The following PLA2G4C variants were observed in gnomAD, a reference collection of about 807,000 sequenced individuals.
PLA2G4C encodes the protein cytosolic phospholipase A2 gamma.
Under a neutral mutation model 73.8 loss-of-function variants are expected in PLA2G4C, and 64 were observed. The ratio of observed to expected loss-of-function variants is 0.87; its 90% CI spans 0.71 to 1.07. The LOEUF is 1.07. Among genes scored for constraint, PLA2G4C ranks in the 50% least tolerant of loss-of-function variants. The pLI is 0.00. For missense variants in PLA2G4C, 622 were observed against 665.4 expected (o/e 0.93, Z 0.72); for synonymous variants, 254 against 252.1 (o/e 1.01, Z -0.07).
chr19:48,096,044 T>C (rs1269251415), intron 6 of PLA2G4C, among the ~76,000 whole-genome samples: 1 of 151,974 alleles, frequency 6.6e-6, no homozygotes, highest in Non-Finnish European at 1.5e-5. Flanking sequence ...TTCCATCAGG[T>C]AGCCAGGGAA....
intron 13 of PLA2G4C, among the ~76,000 whole-genome samples, chr19:48,066,019 G>A (rs1864106): frequency 3.3e-5 from 5 of 151,456 alleles, no homozygotes; most frequent in East Asian, 3.9e-4. Context: ...CCCAGGAGGC[G>A]GAGGTTGCGG....
At chr19:48,097,783 T>C (rs2031677456) in intron 6 of PLA2G4C, 1 of 192,362 alleles carries the variant, frequency 5.2e-6, no homozygotes, top group Admixed American at 6.1e-5. Flanking sequence ...TTTTGTTTTG[T>C]TTTTTAATGT....
chr19:48,107,342 C>CT (rs1459811995), intron 1 of PLA2G4C, among the ~76,000 whole-genome samples: 3 of 148,042 alleles, frequency 2.0e-5, no homozygotes, highest in Non-Finnish European at 3.0e-5. Context: ...AAGACAATTT[C>CT]TTTTTTTTAA....
chr19:48,061,876 CT>C, intron 14 of PLA2G4C, 121 bp downstream of exon 14: 1 of 988,992 alleles, frequency 1.0e-6, no homozygotes, highest in South Asian at 1.5e-5. Flanking sequence ...GCTCTCTGGA[CT>C]TCCCAGCCAG....
At chr19:48,081,799 G>A (rs2030588446) in intron 10 of PLA2G4C, among the ~76,000 whole-genome samples, 1 of 134,856 alleles carries the variant, frequency 7.4e-6, no homozygotes, top group South Asian at 2.4e-4. Context: ...TACACATTGG[G>A]GCCAGGTGTG....
Position 48,097,251 on chromosome 19 carries a change from C to CTTCTTTTTTTT in PLA2G4C, c.568+887_568+888insAAAAAAAAGAA, listed in dbSNP as rs1340148092. On this transcript the variant is annotated intron_variant, in intron 6 of 16. Coordinates refer to ENST00000599921, the MANE Select transcript of PLA2G4C (RefSeq NM_003706.3). Reference sequence around the variant, plus strand: ...AGTTTTCTTTACTTTTTTCTTTTTTCTTTTTTTTTTTTTTTTTTTGAGACG... The same window carrying CTTCTTTTTTTT: ...AGTTTTCTTTACTTTTTTCTTTTTTCTTCTTTTTTTTTTTTTTTTTTTTTTTTTTTGAGACG... 10 of 86,566 alleles carry CTTCTTTTTTTT rather than the reference C, an allele frequency of 1.2e-4. 1 individual carries two copies. Among genetic ancestry groups the CTTCTTTTTTTT allele is most frequent in the African/African-American group, 4.8e-4 (10 of 20,638 alleles). 5.4% of individuals were successfully genotyped at this position (86,566 alleles called of 1,614,324 possible).
intron 10 of PLA2G4C, among the ~76,000 whole-genome samples, chr19:48,084,683 C>T (rs1164351803): frequency 6.6e-6 from 1 of 152,186 alleles, no homozygotes; most frequent in East Asian, 1.9e-4. Context: ...TTACTGAGTG[C>T]CTTTATCTAC....
intron 14 of PLA2G4C, among the ~76,000 whole-genome samples, chr19:48,056,156 G>A (rs1444562597): frequency 6.6e-6 from 1 of 152,074 alleles, no homozygotes; most frequent in Admixed American, 6.6e-5. Context: ...TAGCACTGAG[G>A]TTACTAAACT....
At chr19:48,053,374 T>TC (rs1408717578) in intron 15 of PLA2G4C, among the ~76,000 whole-genome samples, 20 of 145,872 alleles carry the variant, frequency 1.4e-4, no homozygotes, top group Admixed American at 1.2e-3. Context: ...CTTTTTTTTT[T>TC]TTTTTTTTTT....
At position 48,088,681 on chromosome 19, in the gene PLA2G4C, C is replaced by T; in HGVS notation, c.790+5G>A. On this transcript the variant is annotated splice_donor_5th_base_variant and intron_variant, in intron 9 of 16. Coordinates refer to ENST00000599921, the MANE Select transcript of PLA2G4C (RefSeq NM_003706.3). ...CAGGGATTCATGATGAAGTAGGATG[C>T]TTACCTTTCAGGGTCAGATTCCTTA... 1.2e-6 allele frequency: 2 copies of T among 1,605,466 alleles called. No individual in the cohort carries two copies. The highest frequency in any genetic ancestry group is 8.5e-7 in the Non-Finnish European group (1 of 1,172,090).
At chr19:48,054,329 G>C (rs376805528) in intron 15 of PLA2G4C, among the ~76,000 whole-genome samples, 2 of 152,040 alleles carry the variant, frequency 1.3e-5, no homozygotes, top group African/African-American at 4.8e-5. Context: ...ATTTGAGAAG[G>C]AGTCTTGCTC....
At chr19:48,079,695 G>T (rs1414798777) in intron 10 of PLA2G4C, among the ~76,000 whole-genome samples, 3 of 152,206 alleles carry the variant, frequency 2.0e-5, no homozygotes, top group African/African-American at 7.2e-5. Flanking sequence ...TGGATATATG[G>T]GAACGATGGC....
chr19:48,102,761 T>C (rs1600257519), intron 4 of PLA2G4C, among the ~76,000 whole-genome samples: 1 of 152,216 alleles, frequency 6.6e-6, no homozygotes, highest in African/African-American at 2.4e-5. Context: ...ATGGAAGGAC[T>C]GTCCCAGATG....
intron 12 of PLA2G4C, among the ~76,000 whole-genome samples, chr19:48,068,295 C>G (rs1231992263): frequency 8.7e-6 from 1 of 114,788 alleles, no homozygotes; most frequent in Admixed American, 1.1e-4. Flanking sequence ...CGGAGCGAGA[C>G]TCCATCTCAA....
rs2032247625 is a variant in PLA2G4C, at chr19:48,106,559, C to T, written c.-30G>A. The T allele has an allele frequency of 2.5e-6, 4 of 1,612,956 alleles. No individual in the cohort carries two copies. Among genetic ancestry groups the T allele is most frequent in the Non-Finnish European group, 3.4e-6 (4 of 1,178,932 alleles). ...CACTGCGGTCAGAAAATTCTCAGTC[C>T]TCCTGCCAAAGAAATGGCTCTTCTT... On this transcript the variant is annotated splice_region_variant and 5_prime_UTR_variant, in exon 2 of 17. Coordinates refer to ENST00000599921, the MANE Select transcript of PLA2G4C (RefSeq NM_003706.3).
At chr19:48,093,294 C>T (rs2031404264) in intron 7 of PLA2G4C, among the ~76,000 whole-genome samples, 1 of 152,172 alleles carries the variant, frequency 6.6e-6, no homozygotes, top group Non-Finnish European at 1.5e-5. Flanking sequence ...CACATCCAAT[C>T]CAGGTGTAAT....
intron 4 of PLA2G4C, chr19:48,103,539 T>C (rs76745531): frequency 0.14 from 21,022 of 152,284 alleles, 1,548 homozygotes; most frequent in African/African-American, 0.19. Flanking sequence ...GAGCCTCTGC[T>C]GCTCTGCCTA....
intron 2 of PLA2G4C, among the ~76,000 whole-genome samples, chr19:48,105,846 CCAT>C: frequency 3.0e-5 from 2 of 67,102 alleles, no homozygotes; most frequent in African/African-American, 1.2e-4. Flanking sequence ...TCCCTTCCTT[CCAT>C]CCTTCCTTCC....
chr19:48,066,695 T>A (rs568695399), intron 13 of PLA2G4C, among the ~76,000 whole-genome samples: 1 of 152,066 alleles, frequency 6.6e-6, no homozygotes, highest in South Asian at 2.1e-4. Flanking sequence ...AGGTGTGGGG[T>A]GGCTCACACC....
Sources: allele counts gnomAD v4.1 joint callset (sites outside exome capture counted in the v4.1 genomes callset), GRCh38; gene constraint gnomAD v4.1.1; transcripts MANE v1.5; gene names NCBI Gene and HGNC (gene_info 2026-07-23, HGNC 2026-07-21).